Variants in NBAS observed in about 807,000 individuals in gnomAD.
NBAS encodes the protein NAG/BC035112 fusion.
A neutral mutation model predicts 302.5 loss-of-function variants in NBAS; 219 were observed. The observed-to-expected ratio is 0.72, with a 90% CI of 0.65 to 0.81. The LOEUF (loss-of-function observed/expected upper bound fraction) is 0.81. Ranked by LOEUF, NBAS falls within the 30% of genes least tolerant of loss-of-function variation. NBAS has a pLI of 0.00. For synonymous variants in NBAS, 1,118 were observed against 1,021.6 expected (o/e 1.09, Z -1.80); for missense variants, 2,932 against 2,841.6 (o/e 1.03, Z -0.72).
chr2:15,510,024 A>G (rs1270468719), intron 10 of NBAS, among the ~76,000 whole-genome samples: 1 of 152,114 alleles, frequency 6.6e-6, no homozygotes, highest in Non-Finnish European at 1.5e-5. Flanking sequence ...TAATTTTTAT[A>G]TTTTTAGTAG....
chr2:15,205,742 A>G (rs184343411), intron 48 of NBAS, among the ~76,000 whole-genome samples: 22 of 152,198 alleles, frequency 1.4e-4, no homozygotes, highest in Non-Finnish European at 2.4e-4. Flanking sequence ...TAGAGTTCTC[A>G]CGAGATCTGG....
chr2:15,334,677 A>T (rs545309826), intron 35 of NBAS, among the ~76,000 whole-genome samples: 34 of 152,388 alleles, frequency 2.2e-4, no homozygotes, highest in Admixed American at 2.0e-3. Flanking sequence ...GAAAAAGAAT[A>T]CTATTTATTC....
At chr2:15,289,506 G>A (rs1670206871) in intron 41 of NBAS, among the ~76,000 whole-genome samples, 1 of 152,080 alleles carries the variant, frequency 6.6e-6, no homozygotes, top group Non-Finnish European at 1.5e-5. Context: ...TTTCTATTAT[G>A]GGGTTATGGC....
chr2:15,167,058 T>C lies in NBAS; in HGVS notation c.7106A>G (p.His2369Arg). 2 of 1,581,548 alleles carry C rather than the reference T, an allele frequency of 1.3e-6. No individual in the cohort carries two copies. The highest frequency in any genetic ancestry group is 1.7e-6 in the Non-Finnish European group (2 of 1,161,232). ...TFSTALRAAQHWV is the reference protein window; with the variant it reads ...TFSTALRAAQRWV ...GGCCACAGGTGGCCCTCACACCCAG[T>C]GCTGTGCTGCGCGGAGGGCTGTACT... is the stretch of plus-strand genomic sequence containing the variant. The change falls in exon 52 of 52, where the codon CAC (histidine) becomes CGC (arginine). Residue 2369 changes from histidine to arginine, a missense_variant. Transcript: ENST00000281513.
intron 48 of NBAS, among the ~76,000 whole-genome samples, chr2:15,216,425 G>A (rs1055568643): frequency 1.3e-5 from 2 of 152,164 alleles, no homozygotes; most frequent in African/African-American, 2.4e-5. Context: ...TTGGTGAAAC[G>A]CAGATACACA....
At chr2:15,424,517 A>C (rs1362677705) in intron 22 of NBAS, 49 bp from the exon 23 acceptor site, 2 of 1,601,974 alleles carry the variant, frequency 1.2e-6, no homozygotes. Flanking sequence ...ATGTTGGAAA[A>C]ACATATAATT....
At chr2:15,063,250 T>C in the NBAS span, among the ~76,000 whole-genome samples, 1 of 152,234 alleles carries the variant, frequency 6.6e-6, no homozygotes, top group Non-Finnish European at 1.5e-5. Context: ...CTCATATCTA[T>C]TTAATGTTTA....
the NBAS span, among the ~76,000 whole-genome samples, chr2:15,150,066 C>CA: frequency 0.14 from 8,920 of 63,786 alleles, 453 homozygotes; most frequent in South Asian, 0.34. Flanking sequence ...AACCCTGTCT[C>CA]AAAAAAAAAA....
chr2:15,429,149 G>A (rs1195872904), intron 21 of NBAS, among the ~76,000 whole-genome samples: 1 of 152,136 alleles, frequency 6.6e-6, no homozygotes, highest in Non-Finnish European at 1.5e-5. Context: ...AAACAAATCT[G>A]TCTCTTCATG....
intron 44 of NBAS, among the ~76,000 whole-genome samples, chr2:15,252,299 G>C (rs1668399713): frequency 6.6e-6 from 1 of 152,098 alleles, no homozygotes; most frequent in Non-Finnish European, 1.5e-5. Flanking sequence ...GGGAGCTCGA[G>C]ACCAGCACAA....
At chr2:15,297,268 C>T (rs185018790) in intron 40 of NBAS, among the ~76,000 whole-genome samples, 259 of 152,254 alleles carry the variant, frequency 1.7e-3, no homozygotes, top group Middle Eastern at 0.014. Flanking sequence ...CTTTTATATT[C>T]GGTATGTAGG....
the NBAS span, among the ~76,000 whole-genome samples, chr2:15,004,960 G>A: frequency 6.6e-6 from 1 of 152,030 alleles, no homozygotes; most frequent in South Asian, 2.1e-4. Context: ...AGGAAAAGCT[G>A]GGAGAACTTC....
At chr2:15,056,756 C>T in the NBAS span, among the ~76,000 whole-genome samples, 8,686 of 151,766 alleles carry the variant, frequency 0.057, 406 homozygotes, top group East Asian at 0.21. Flanking sequence ...TTGTGCTCTT[C>T]AAAGCAGGTT....
chr2:15,098,873 T>C, the NBAS span, among the ~76,000 whole-genome samples: 1 of 151,242 alleles, frequency 6.6e-6, no homozygotes, highest in Non-Finnish European at 1.5e-5. Context: ...CAGAGTTAAA[T>C]AGTGATGACA....
chr2:14,875,239 CA>C, the NBAS span, among the ~76,000 whole-genome samples: 8 of 151,330 alleles, frequency 5.3e-5, no homozygotes, highest in South Asian at 2.1e-4. Flanking sequence ...AGAAATCGAC[CA>C]AAAAAAACAA....
chr2:15,030,305 T>C, the NBAS span, among the ~76,000 whole-genome samples: 7 of 151,812 alleles, frequency 4.6e-5, no homozygotes, highest in East Asian at 1.4e-3. Context: ...CAGAGGAGAG[T>C]GCAAGGAAGG....
At chr2:15,381,886 T>C (rs1411116631) in intron 29 of NBAS, among the ~76,000 whole-genome samples, 1 of 152,192 alleles carries the variant, frequency 6.6e-6, no homozygotes, top group East Asian at 1.9e-4. Context: ...TCGCCCTGAA[T>C]TCAAAAACTA....
chr2:15,104,072 G>A, the NBAS span, among the ~76,000 whole-genome samples: 1 of 152,120 alleles, frequency 6.6e-6, no homozygotes, highest in Non-Finnish European at 1.5e-5. Context: ...GTGGGACCAG[G>A]TAGAGATAAT....
chr2:15,522,458 G>A (rs1481342462), intron 9 of NBAS, among the ~76,000 whole-genome samples: 1 of 152,168 alleles, frequency 6.6e-6, no homozygotes, highest in Non-Finnish European at 1.5e-5. Flanking sequence ...TAATAAGTAG[G>A]AGGTACTTGT....
Sources: gnomAD v4.1 joint callset for allele counts (sites outside exome capture counted in the v4.1 genomes callset) on GRCh38, gnomAD v4.1.1 for gene constraint, MANE v1.5 for transcripts, NCBI Gene and HGNC (gene_info 2026-07-23, HGNC 2026-07-21) for gene names.